The following CLEC16A variants were observed in gnomAD, a reference collection of about 807,000 sequenced individuals.
CLEC16A encodes protein CLEC16A.
In CLEC16A, 51 loss-of-function variants were observed where a neutral mutation model predicts 109.5. The ratio of observed to expected loss-of-function variants is 0.47; its 90% confidence interval spans 0.37 to 0.59. The LOEUF (loss-of-function observed/expected upper bound fraction) is 0.59, where lower values mean the gene tolerates loss of function less well. Ranked by LOEUF, CLEC16A falls within the 20% of genes least tolerant of loss-of-function variation. The probability of loss-of-function intolerance (pLI) is 0.00; values close to 1 mark genes in which losing one functional copy is unlikely to be tolerated. For missense variants in CLEC16A, 1,339 were observed against 1,394.0 expected (o/e 0.96, Z 0.63); for synonymous variants, 673 against 564.2 (o/e 1.19, Z -2.73).
At position 10,982,898 on chromosome 16, in the gene CLEC16A, T is replaced by G; in HGVS notation, c.978T>G (p.His326Gln). 6.2e-7 allele frequency: 1 copy of G among 1,606,456 alleles called. No homozygotes were observed. Among genetic ancestry groups the G allele is most frequent in the Middle Eastern group, 1.7e-4 (1 of 6,038 alleles). ...LLSQVFLIIH[H>Q]APLVNSLAEV... ...GCCAGGTCTTCTTAATTATACATCA[T>G]GCACCGCTGGTGAACTCGTTAGCTG... The change falls in exon 10 of 24, where the codon CAT becomes CAG. Residue 326 changes from histidine to glutamine, a missense_variant. Transcript: ENST00000409790.
chr16:11,050,806 C>T (rs1422291240), intron 17 of CLEC16A, among the ~76,000 whole-genome samples: 1 of 152,222 alleles, frequency 6.6e-6, no homozygotes, highest in Non-Finnish European at 1.5e-5. Context: ...ACGTGCCTGG[C>T]ACTTAGTAGA....
At chr16:11,081,611 T>C (rs1410706238) in intron 19 of CLEC16A, among the ~76,000 whole-genome samples, 1 of 152,122 alleles carries the variant, frequency 6.6e-6, no homozygotes, top group Non-Finnish European at 1.5e-5. Flanking sequence ...ACTCCCTGGA[T>C]TCCTCAAGCC....
chr16:11,138,825 A>G (rs1325582498), intron 22 of CLEC16A, among the ~76,000 whole-genome samples: 2 of 152,208 alleles, frequency 1.3e-5, no homozygotes, highest in Non-Finnish European at 2.9e-5. Context: ...TCATTGAGCC[A>G]GTCCCCTACT....
At position 11,114,128 on chromosome 16, in the gene CLEC16A, C is replaced by CGTGTGTGTGTGTGT. The variant is rs3030600; in HGVS notation, c.2117-6450_2117-6437dup. 4.5e-3 allele frequency among the ~76,000 whole-genome samples: 571 copies of CGTGTGTGTGTGTGT among 127,310 alleles called. 10 individuals are homozygous for CGTGTGTGTGTGTGT. Among genetic ancestry groups the CGTGTGTGTGTGTGT allele is most frequent in the African/African-American group, 7.8e-3 (254 of 32,688 alleles). 83.5% of individuals were successfully genotyped at this position (127,310 alleles called of 152,430 possible). ...TTTCCTGATTTCCCATGAGGATGGC[C>CGTGTGTGTGTGTGT]GTGTGTGTGTGTGTGTGTGTGTGTG... On this transcript the variant is annotated intron_variant, in intron 19 of 23. Coordinates refer to ENST00000409790, the MANE Select transcript of CLEC16A (RefSeq NM_015226.3).
chr16:11,113,613 C>T (rs1450960247), intron 19 of CLEC16A, among the ~76,000 whole-genome samples: 1 of 152,088 alleles, frequency 6.6e-6, no homozygotes, highest in Admixed American at 6.5e-5. Flanking sequence ...AAGCCATGAT[C>T]GCTCCCCTGT....
chr16:11,172,086 A>G (rs1157611074), intron 23 of CLEC16A, among the ~76,000 whole-genome samples: 1 of 152,110 alleles, frequency 6.6e-6, no homozygotes, highest in Non-Finnish European at 1.5e-5. Context: ...GCCACTGCAC[A>G]TGCTCACATA....
chr16:11,036,453 C>A (rs2047024440), intron 13 of CLEC16A, among the ~76,000 whole-genome samples: 1 of 152,198 alleles, frequency 6.6e-6, no homozygotes, highest in Non-Finnish European at 1.5e-5. Context: ...GAGAGGGGCC[C>A]CCAGCAGCTC....
chr16:11,178,583 C>A lies in CLEC16A; in HGVS notation c.3055C>A (p.Arg1019Ser). ...LVPPVDPHSL[R>S]SLTGMPPLST... ...CCCCCCAGTTGACCCCCACAGCCTC[C>A]GCAGCCTCACCGGCATGCCCCCGCT... The change falls in exon 24 of 24, where the codon CGC becomes AGC. Residue 1019 changes from arginine (R) to serine (S), a missense_variant. By Grantham distance (110) the Arg-to-Ser change is moderately radical. This residue lies in a region of CLEC16A where 1,061 missense variants were observed against 1,006.8 expected (regional missense o/e 1.05). Coordinates refer to ENST00000409790, the MANE Select transcript of CLEC16A (RefSeq NM_015226.3). The surrounding 1 kb of genome is among the most constrained non-coding windows in gnomAD (Gnocchi z 6.5). 1 of 1,610,404 alleles carries A rather than the reference C, an allele frequency of 6.2e-7. No homozygotes were observed. The highest frequency in any genetic ancestry group is 1.3e-5 in the African/African-American group (1 of 75,058).
At chr16:10,959,474 C>T (rs1006967495) in intron 2 of CLEC16A, among the ~76,000 whole-genome samples, 5 of 152,204 alleles carry the variant, frequency 3.3e-5, no homozygotes, top group Non-Finnish European at 7.3e-5. Context: ...TCACCGCAAC[C>T]TCTGCCTCCC....
At chr16:10,947,339 T>C (rs2041439464) in intron 1 of CLEC16A, among the ~76,000 whole-genome samples, 1 of 152,026 alleles carries the variant, frequency 6.6e-6, no homozygotes, top group Non-Finnish European at 1.5e-5. Flanking sequence ...GCTCGTTCCC[T>C]GAGGGAGTTT....
chr16:11,124,093 G>A (rs1294940567), intron 21 of CLEC16A, 147 bp downstream of exon 21: 7 of 800,268 alleles, frequency 8.7e-6, no homozygotes, highest in Non-Finnish European at 1.4e-5. Flanking sequence ...ATACGAGGAA[G>A]TTCCATTTCC....
chr16:11,106,044 A>G (rs191638307), intron 19 of CLEC16A, among the ~76,000 whole-genome samples: 1 of 152,358 alleles, frequency 6.6e-6, no homozygotes, highest in African/African-American at 2.4e-5. Flanking sequence ...TCCTGTAGTC[A>G]TCACACAAAA....
At chr16:11,120,838 AC>A (rs766527959) in intron 20 of CLEC16A, 72 bp downstream of exon 20, 268 of 1,013,504 alleles carry the variant, frequency 2.6e-4, no homozygotes, top group Non-Finnish European at 3.1e-4. Context: ...ACACACACAC[AC>A]CACACACAAT....
Position 11,120,759 on chromosome 16 carries a change from T to C in CLEC16A, c.2261T>C (p.Leu754Pro). The C allele has an allele frequency of 6.5e-7, 1 of 1,541,856 alleles. No individual in the cohort carries two copies. Among genetic ancestry groups the C allele is most frequent in the Non-Finnish European group, 8.8e-7 (1 of 1,139,202 alleles). ...LGWGVVKFAG[L>P]LQDMQVTGVE... is the part of the protein sequence containing the mutation. ...TGGGGAGTGGTCAAGTTTGCAGGCC[T>C]ATTGCAGGTAAGATGGCCAGGAGCT... Residue 754 changes from leucine to proline, a missense_variant, in exon 20 of 24, where the codon CTA becomes CCA. Physicochemically the swap from Leu to Pro is moderately conservative, Grantham distance 98. Around this residue, in one of 3 missense-constraint regions of CLEC16A, gnomAD observed 1,061 missense variants for 1,006.8 expected, o/e 1.05. Transcript: ENST00000409790.
In CLEC16A at chr16:11,179,849, C is replaced by G. The variant is rs1052705381; in HGVS notation, c.*1159C>G. ...TGCTGCTGATCTGAATATGGAAACC[C>G]CATGGTTCCCTTCCCCATTCGGACT... On this transcript the variant is annotated 3_prime_UTR_variant, in exon 24 of 24. Transcript: ENST00000409790. 2 of 152,380 alleles carry G rather than the reference C, an allele frequency of 1.3e-5. No individual in the cohort carries two copies. The highest frequency in any genetic ancestry group is 4.8e-5 in the African/African-American group (2 of 41,468). 9.4% of individuals were successfully genotyped at this position (152,380 alleles called of 1,614,324 possible). A position where few individuals can be genotyped will look rare whatever the true frequency, so the allele number is the denominator to read the frequency against.
chr16:10,945,778 C>T (rs77240340), intron 1 of CLEC16A, among the ~76,000 whole-genome samples: 1 of 152,110 alleles, frequency 6.6e-6, no homozygotes, highest in African/African-American at 2.4e-5. Flanking sequence ...CGTGCTCCCC[C>T]CATCCCAGTT....
chr16:11,176,739 A>G (rs996114445), intron 23 of CLEC16A, among the ~76,000 whole-genome samples: 1 of 152,136 alleles, frequency 6.6e-6, no homozygotes, highest in African/African-American at 2.4e-5. Flanking sequence ...CCCTGTCTCA[A>G]AAAAACAAAA....
intron 22 of CLEC16A, among the ~76,000 whole-genome samples, chr16:11,146,387 T>C (rs1199533266): frequency 6.6e-6 from 1 of 152,000 alleles, no homozygotes; most frequent in Admixed American, 6.6e-5. Flanking sequence ...TAGTGCTTGG[T>C]AAGTACTGGA....
At chr16:11,013,721 C>A (rs564078888) in intron 11 of CLEC16A, among the ~76,000 whole-genome samples, 1 of 151,672 alleles carries the variant, frequency 6.6e-6, no homozygotes, top group Non-Finnish European at 1.5e-5. Flanking sequence ...ATCACGCCAC[C>A]GCACTCCAGC....
Sources: allele counts gnomAD v4.1 joint callset (sites outside exome capture counted in the v4.1 genomes callset), GRCh38; gene constraint gnomAD v4.1.1; regional missense constraint gnomAD v4.1.1; non-coding constraint Gnocchi (gnomAD v3.1); transcripts MANE v1.5; gene names NCBI Gene and HGNC (gene_info 2026-07-23, HGNC 2026-07-21).